CYREN: variants seen among roughly 807,000 people sequenced by gnomAD.
CYREN encodes cell cycle regulator of NHEJ.
Under a neutral mutation model 9.7 loss-of-function variants are expected in CYREN, and 7 were observed. The observed-to-expected ratio is 0.72, with a 90% confidence interval of 0.41 to 1.36. CYREN has a LOEUF of 1.36. Ranked by LOEUF, CYREN falls within the 40% of genes most tolerant of loss-of-function variation. The probability of loss-of-function intolerance (pLI) is 0.01; values close to 1 mark genes in which losing one functional copy is unlikely to be tolerated. For missense variants in CYREN, 215 were observed against 198.1 expected (o/e 1.09, Z -0.51); for synonymous variants, 76 against 77.9 (o/e 0.98, Z 0.13).
intron 2 of CYREN, among the ~76,000 whole-genome samples, chr7:135,116,063 CAT>C (rs1182680470): frequency 3.3e-5 from 5 of 152,084 alleles, no homozygotes; most frequent in Admixed American, 6.5e-5. Context: ...CAAAAGGAAA[CAT>C]GTGTAAATAA....
At chr7:135,152,671 C>T (rs1562922139) in intron 2 of CYREN, 1 of 152,188 alleles carries the variant, frequency 6.6e-6, no homozygotes, top group African/African-American at 2.4e-5. Flanking sequence ...AGACACCTTC[C>T]ACTGATCAAA....
chr7:135,148,303 C>T (rs1324157091), intron 2 of CYREN: 2 of 352,236 alleles, frequency 5.7e-6, no homozygotes, highest in East Asian at 7.7e-5. Flanking sequence ...TCACAGCTTA[C>T]CCAGACGTCT....
rs1030628430 is a variant in CYREN, at chr7:135,123,001, G to A, written n.357-28419C>T. Among the ~76,000 whole-genome samples the A allele has an allele frequency of 4.3e-4, 66 of 152,040 alleles. 1 individual carries two copies. The highest frequency in any genetic ancestry group is 3.9e-3 in the Admixed American group (60 of 15,266). On this transcript the variant is annotated intron_variant and non_coding_transcript_variant, in intron 2 of 2. Coordinates refer to the CYREN transcript ENST00000459937. The stretch of plus-strand genomic sequence containing the variant: ...AGTGCCTCCTCTCCTCCAAATGATC[G>A]CAATGTATCTCCAGCAATGGCACAG...
intron 2 of CYREN, 175 bp from the exon 3 acceptor site, chr7:135,167,982 A>G (rs1830308676): frequency 8.9e-7 from 1 of 1,126,734 alleles, no homozygotes; most frequent in South Asian, 1.6e-5. Flanking sequence ...CTTGCAGCCC[A>G]GTGACTGGCA....
At chr7:135,167,511 G>C in intron 3 of CYREN, 2 of 1,409,978 alleles carry the variant, frequency 1.4e-6, no homozygotes, top group East Asian at 2.6e-5. Flanking sequence ...CCTAACACAC[G>C]CATGCCCTCC....
intron 2 of CYREN, among the ~76,000 whole-genome samples, chr7:135,126,993 G>A (rs1827964533): frequency 1.3e-5 from 2 of 152,160 alleles, no homozygotes; most frequent in Non-Finnish European, 1.5e-5. Flanking sequence ...AAAAGCAATT[G>A]CAACAGAAGC....
chr7:135,134,966 C>T (rs1829272552), intron 2 of CYREN: 1 of 1,551,062 alleles, frequency 6.4e-7, no homozygotes, highest in African/African-American at 1.4e-5. Flanking sequence ...CAGTCTAAGC[C>T]CCACAGGTCA....
chr7:135,115,425 T>A, intron 2 of CYREN: 2 of 1,551,246 alleles, frequency 1.3e-6, no homozygotes, highest in South Asian at 2.4e-5. Context: ...TGCATATCTT[T>A]CCAAAGCAAG....
chr7:135,170,537 C>G (rs960675429), intron 1 of CYREN, 115 bp downstream of exon 1: 2 of 152,464 alleles, frequency 1.3e-5, no homozygotes, highest in African/African-American at 4.8e-5. Context: ...GCTCCTCCGG[C>G]CGGCTACTGG....
At position 135,137,923 on chromosome 7, in the gene CYREN, C is replaced by A. The variant is rs368914491; in HGVS notation, n.356+30826G>T. On this transcript the variant is annotated intron_variant and non_coding_transcript_variant, in intron 2 of 2. Transcript: ENST00000459937. ...CATCCCACGTCTCTTCTTATGATCA[C>A]TAATCTCATTCATGAGGGCTTCACC... is the stretch of plus-strand genomic sequence containing the variant. Among the ~76,000 whole-genome samples, 141 of 152,140 alleles carry A rather than the reference C, an allele frequency of 9.3e-4. 1 individual carries two copies. Among genetic ancestry groups the A allele is most frequent in the African/African-American group, 3.1e-3 (128 of 41,546 alleles).
intron 2 of CYREN, among the ~76,000 whole-genome samples, chr7:135,097,016 TA>T (rs1200041807): frequency 6.6e-6 from 1 of 152,218 alleles, no homozygotes; most frequent in Non-Finnish European, 1.5e-5. Context: ...AAAGTGTTTT[TA>T]TGACCCAAGA....
chr7:135,128,291 CAAAAAAAAAAAAAAAAA>C (rs61217008), intron 2 of CYREN, among the ~76,000 whole-genome samples: 2 of 58,070 alleles, frequency 3.4e-5, no homozygotes, highest in Non-Finnish European at 5.5e-5. Flanking sequence ...GACTCCATCT[CAAAAAAAAAAAAAAAAA>C]AAAAAAAAAA....
At chr7:135,160,196 T>C (rs542235567) in intron 2 of CYREN, among the ~76,000 whole-genome samples, 3 of 152,314 alleles carry the variant, frequency 2.0e-5, no homozygotes, top group South Asian at 4.1e-4. Flanking sequence ...CGACCTGAAG[T>C]ATAGATGACT....
chr7:135,112,073 GT>G (rs1356289234), intron 2 of CYREN, among the ~76,000 whole-genome samples: 2 of 152,146 alleles, frequency 1.3e-5, no homozygotes, highest in African/African-American at 4.8e-5. Flanking sequence ...GTACACTTCT[GT>G]TTTTTGGTCT....
chr7:135,144,967 A>AAAAAAAAAAAAG (rs1829519927), intron 2 of CYREN, among the ~76,000 whole-genome samples: 1 of 136,502 alleles, frequency 7.3e-6, no homozygotes. Flanking sequence ...AAAAAAAAAA[A>AAAAAAAAAAAAG]AAGAAGAGGA....
chr7:135,126,647 G>A (rs779531763), intron 2 of CYREN, among the ~76,000 whole-genome samples: 6 of 151,868 alleles, frequency 4.0e-5, no homozygotes, highest in Non-Finnish European at 5.9e-5. Flanking sequence ...ACTGTACTAC[G>A]AGGCTACAGT....
At chr7:135,102,368 A>G (rs1018835478) in intron 2 of CYREN, among the ~76,000 whole-genome samples, 2 of 152,196 alleles carry the variant, frequency 1.3e-5, no homozygotes, top group East Asian at 3.8e-4. Context: ...TTTATAAAAA[A>G]CAGTCATTCT....
intron 2 of CYREN, chr7:135,128,771 T>G (rs981641886): frequency 8.7e-5 from 113 of 1,304,670 alleles, no homozygotes; most frequent in Non-Finnish European, 1.2e-4. Flanking sequence ...GAGCTAGATT[T>G]TGGAGGAACT....
intron 2 of CYREN, among the ~76,000 whole-genome samples, chr7:135,114,765 A>C (rs1197764019): frequency 1.3e-5 from 2 of 152,102 alleles, no homozygotes; most frequent in African/African-American, 2.4e-5. Flanking sequence ...GCCTCTCTTC[A>C]ATCTGTTCTC....
Sources: allele counts gnomAD v4.1 joint callset (sites outside exome capture counted in the v4.1 genomes callset), GRCh38; gene constraint gnomAD v4.1.1; transcripts MANE v1.5; gene names NCBI Gene and HGNC (gene_info 2026-07-23, HGNC 2026-07-21).